Variants in RAPGEF4 observed in about 807,000 individuals in gnomAD.
RAPGEF4 encodes RAP guanine-nucleotide-exchange factor (GEF) 4.
In RAPGEF4, 66 loss-of-function variants were observed where a neutral mutation model predicts 147.9. The observed-to-expected ratio is 0.45, with a 90% CI of 0.37 to 0.55. The LOEUF is 0.55. RAPGEF4 is among the 20% of genes least tolerant of loss of function. The pLI, the probability that RAPGEF4 is intolerant of heterozygous loss-of-function variation, is 0.00. For synonymous variants in RAPGEF4, 419 were observed against 442.7 expected, an observed-to-expected ratio of 0.95 and a Z score of 0.67; for missense variants, 1,071 against 1,257.3, an observed-to-expected ratio of 0.85 and a Z score of 2.24.
chr2:172,827,195 A>C (rs1331679538), intron 4 of RAPGEF4, among the ~76,000 whole-genome samples: 1 of 152,196 alleles, frequency 6.6e-6, no homozygotes, highest in Non-Finnish European at 1.5e-5. Context: ...TAACAGTTGC[A>C]AGCACATGTA....
intron 1 of RAPGEF4, among the ~76,000 whole-genome samples, chr2:172,754,757 C>T (rs1260815881): frequency 6.6e-6 from 1 of 152,022 alleles, no homozygotes; most frequent in Non-Finnish European, 1.5e-5. Flanking sequence ...TAAAAAAATC[C>T]TCAGGCCAGG....
At chr2:172,928,135 AC>A in intron 6 of RAPGEF4, 1 of 448,584 alleles carries the variant, frequency 2.2e-6, no homozygotes, top group Non-Finnish European at 4.5e-6. Context: ...ATTTTGCCCC[AC>A]CTTCTAGAAA....
intron 6 of RAPGEF4, among the ~76,000 whole-genome samples, chr2:172,953,805 CT>C (rs564073363): frequency 8.3e-4 from 126 of 152,244 alleles, no homozygotes; most frequent in Admixed American, 2.5e-3. Context: ...CCCATCCCAC[CT>C]GTCTTTACTT....
chr2:173,024,945 A>G (rs1327186683), intron 23 of RAPGEF4, among the ~76,000 whole-genome samples: 1 of 152,224 alleles, frequency 6.6e-6, no homozygotes, highest in Non-Finnish European at 1.5e-5. Flanking sequence ...CCAAGGGACC[A>G]TCCTGGATGC....
At chr2:172,961,945 A>C (rs571102699) in intron 8 of RAPGEF4, among the ~76,000 whole-genome samples, 1 of 152,352 alleles carries the variant, frequency 6.6e-6, no homozygotes, top group South Asian at 2.1e-4. Flanking sequence ...ACTCTGTATC[A>C]CATATATATT....
intron 11 of RAPGEF4, among the ~76,000 whole-genome samples, chr2:172,985,107 T>G (rs1172111991): frequency 1.3e-5 from 2 of 152,356 alleles, no homozygotes; most frequent in East Asian, 3.9e-4. Flanking sequence ...ATGTTGCACA[T>G]GGTCTCCCCT....
At chr2:172,764,634 A>T (rs536935154) in intron 1 of RAPGEF4, among the ~76,000 whole-genome samples, 1 of 152,258 alleles carries the variant, frequency 6.6e-6, no homozygotes, top group South Asian at 2.1e-4. Context: ...CGTGGAGAGA[A>T]TCTTAATTAA....
chr2:172,983,351 T>G, intron 10 of RAPGEF4, 145 bp from the exon 11 acceptor site: 1 of 1,433,470 alleles, frequency 7.0e-7, no homozygotes, highest in Non-Finnish European at 9.1e-7. Context: ...TTAGGCATTA[T>G]ACTGGTGCAA....
chr2:172,965,620 C>G lies in RAPGEF4; in HGVS notation c.757C>G (p.His253Asp). 6.2e-7 allele frequency: 1 copy of G among 1,614,058 alleles called. No individual in the cohort carries two copies. The highest frequency in any genetic ancestry group is 8.5e-7 in the Non-Finnish European group (1 of 1,179,922). ...DWMMQQTPCV[H>D]SRTQAVGMWQ... ...GATGATGCAGCAGACACCATGTGTT[C>G]ACTCCCGGACTCAAGCTGTTGGCAT... The change falls in exon 9 of 31, where the codon CAC (histidine) becomes GAC (aspartate). Residue 253 changes from histidine to aspartate, a missense_variant. His to Asp is a moderately conservative substitution (Grantham distance 81). Transcript: ENST00000397081.
intron 4 of RAPGEF4, among the ~76,000 whole-genome samples, chr2:172,896,889 C>A (rs1698533522): frequency 6.6e-6 from 1 of 152,208 alleles, no homozygotes; most frequent in South Asian, 2.1e-4. Context: ...GTAAGCATAA[C>A]TCTGCATGCT....
chr2:172,903,427 A>T (rs1444835565), intron 4 of RAPGEF4, among the ~76,000 whole-genome samples: 1 of 150,492 alleles, frequency 6.6e-6, no homozygotes, highest in East Asian at 2.0e-4. Flanking sequence ...AATCCCAGCT[A>T]CTCAGAAGGC....
chr2:172,948,213 T>C lies in RAPGEF4; in HGVS notation c.538-12547T>C, dbSNP rs1003805935. On this transcript the variant is annotated intron_variant, in intron 6 of 30. Transcript: ENST00000397081. ...GCACTGCTCTGAACATTTTAGTATATGTCTTTTAGTGAATGTATGTACAAT... is the reference window on the plus strand; with the variant it reads ...GCACTGCTCTGAACATTTTAGTATACGTCTTTTAGTGAATGTATGTACAAT... Among the ~76,000 whole-genome samples the C allele has an allele frequency of 2.0e-5, 3 of 152,322 alleles. No homozygotes were observed. The East Asian group carries it at 5.8e-4, about 29-fold the overall frequency.
chr2:172,842,378 T>C (rs1047168690), intron 4 of RAPGEF4, among the ~76,000 whole-genome samples: 2 of 152,202 alleles, frequency 1.3e-5, no homozygotes, highest in East Asian at 3.8e-4. Context: ...TCTATTCTAG[T>C]TATCTATTGT....
intron 17 of RAPGEF4, among the ~76,000 whole-genome samples, chr2:173,003,976 C>T (rs1694202247): frequency 6.6e-6 from 1 of 152,182 alleles, no homozygotes; most frequent in African/African-American, 2.4e-5. Context: ...AAGTGCTTAA[C>T]ATCTGGAACT....
At chr2:173,000,488 A>G (rs542891561) in intron 16 of RAPGEF4, among the ~76,000 whole-genome samples, 1 of 152,198 alleles carries the variant, frequency 6.6e-6, no homozygotes, top group South Asian at 2.1e-4. Context: ...GTTTGCCTTC[A>G]TGAGCTTTCC....
intron 25 of RAPGEF4, among the ~76,000 whole-genome samples, chr2:173,029,764 TGCCAGAGGA>T (rs1409935951): frequency 6.6e-6 from 1 of 152,238 alleles, no homozygotes; most frequent in Admixed American, 6.5e-5. Flanking sequence ...CCTCTCAAGC[TGCCAGAGGA>T]GGATATCCAC....
chr2:172,806,568 T>C (rs1391964363), intron 3 of RAPGEF4, among the ~76,000 whole-genome samples: 1 of 152,200 alleles, frequency 6.6e-6, no homozygotes, highest in Admixed American at 6.5e-5. Context: ...GAAAAGTTGG[T>C]TGCAATGACT....
At chr2:173,036,306 A>G in intron 28 of RAPGEF4, 94 bp downstream of exon 28, 1 of 1,011,094 alleles carries the variant, frequency 9.9e-7, no homozygotes, top group South Asian at 1.4e-5. Context: ...TTAGGGAAGA[A>G]TGATCGATCC....
chr2:172,869,876 A>G (rs1008190233), intron 4 of RAPGEF4, among the ~76,000 whole-genome samples: 6 of 152,184 alleles, frequency 3.9e-5, no homozygotes, highest in Admixed American at 3.9e-4. Context: ...GTGTCTTTTT[A>G]TATGGGCTGC....
Sources: allele counts gnomAD v4.1 joint callset (sites outside exome capture counted in the v4.1 genomes callset), GRCh38; gene constraint gnomAD v4.1.1; transcripts MANE v1.5; gene names NCBI Gene and HGNC (gene_info 2026-07-23, HGNC 2026-07-21).